The following CDC27 variants were observed in gnomAD, a reference collection of about 807,000 sequenced individuals.
The protein encoded by CDC27 is cell division cycle protein 27 homolog.
Under a neutral mutation model 109.7 loss-of-function variants are expected in CDC27, and 27 were observed. That is an observed-to-expected ratio of 0.25 (90% CI 0.18 to 0.34). The LOEUF is 0.34. Ranked by LOEUF, CDC27 falls within the 10% of genes least tolerant of loss-of-function variation. The pLI is 1.00. For synonymous variants in CDC27, 266 were observed against 333.9 expected, an observed-to-expected ratio of 0.80 and a Z score of 2.22; for missense variants, 579 against 960.2, an observed-to-expected ratio of 0.60 and a Z score of 5.25.
intron 2 of CDC27, among the ~76,000 whole-genome samples, chr17:47,177,212 A>G (rs1324902135): frequency 5.3e-5 from 8 of 152,156 alleles, no homozygotes; most frequent in Non-Finnish European, 7.4e-5. Flanking sequence ...CTTGAGCCCA[A>G]GTGTTTGAGG....
intron 14 of CDC27, among the ~76,000 whole-genome samples, chr17:47,134,115 T>C (rs1315016963): frequency 1.3e-5 from 2 of 151,622 alleles, no homozygotes; most frequent in Admixed American, 6.6e-5. Context: ...ACCAAGCTGG[T>C]TTCAAACTCT....
chr17:47,171,119 A>T (rs1000286305), intron 3 of CDC27: 16 of 152,242 alleles, frequency 1.1e-4, no homozygotes, highest in African/African-American at 3.9e-4. Flanking sequence ...AAAAAGAAAA[A>T]GGAACTGGCA....
chr17:47,137,371 T>A lies in CDC27; in HGVS notation c.1705-11A>T. 2 of 1,525,920 alleles carry A rather than the reference T, an allele frequency of 1.3e-6. No homozygotes were observed. The allele number at this position is 1,525,920 out of a possible 1,614,324, so 94.5% of individuals were successfully genotyped here. ...TGCAGCACACCAGGCCTTAAAAAAATGGGAACAAAAACCAAACAGAATTAA... is the reference window on the plus strand; with the variant it reads ...TGCAGCACACCAGGCCTTAAAAAAAAGGGAACAAAAACCAAACAGAATTAA... On this transcript the variant is annotated splice_polypyrimidine_tract_variant and intron_variant, in intron 13 of 18. Coordinates refer to ENST00000066544, the MANE Select transcript of CDC27 (RefSeq NM_001256.6).
chr17:47,145,622 G>T (rs1039945914), intron 9 of CDC27, among the ~76,000 whole-genome samples: 3 of 152,082 alleles, frequency 2.0e-5, no homozygotes, highest in Admixed American at 2.0e-4. Flanking sequence ...CAACCATGTG[G>T]CCGGGCATGG....
intron 9 of CDC27, among the ~76,000 whole-genome samples, chr17:47,147,270 G>A (rs1049711601): frequency 1.2e-3 from 188 of 151,622 alleles, no homozygotes; most frequent in African/African-American, 4.2e-3. Context: ...ATGGTGGCGC[G>A]CGCCTGTAGT....
intron 1 of CDC27, 30 bp from the exon 2 acceptor site, chr17:47,181,667 T>C: frequency 8.0e-7 from 1 of 1,256,538 alleles, no homozygotes; most frequent in African/African-American, 1.5e-5. Context: ...AACATAAATA[T>C]ACATACATAC....
At chr17:47,159,144 G>T (rs866905954) in intron 4 of CDC27, 1 of 340,192 alleles carries the variant, frequency 2.9e-6, no homozygotes, top group Non-Finnish European at 5.3e-6. Context: ...ATTTGTTGTT[G>T]TTTTTTTTCC....
At chr17:47,132,744 A>ATTG (rs2062386131) in intron 14 of CDC27, among the ~76,000 whole-genome samples, 3 of 47,900 alleles carry the variant, frequency 6.3e-5, no homozygotes, top group African/African-American at 2.1e-4. Context: ...AAAGCAGTTT[A>ATTG]TTATTATTAT....
intron 3 of CDC27, chr17:47,170,256 T>C (rs1256190937): frequency 3.0e-6 from 1 of 328,084 alleles, no homozygotes; most frequent in Admixed American, 5.0e-5. Flanking sequence ...TAGAGTGCAG[T>C]AGTACAATCA....
At chr17:47,142,802 C>T (rs986317804) in intron 10 of CDC27, among the ~76,000 whole-genome samples, 1 of 152,216 alleles carries the variant, frequency 6.6e-6, no homozygotes, top group African/African-American at 2.4e-5. Flanking sequence ...CTTCAGCCTC[C>T]CGCGTAACTG....
chr17:47,139,412 G>A (rs533375903), intron 12 of CDC27, among the ~76,000 whole-genome samples: 12 of 151,834 alleles, frequency 7.9e-5, no homozygotes, highest in African/African-American at 2.7e-4. Flanking sequence ...GACTACAGGC[G>A]CCTGCCACCA....
chr17:47,161,549 G>C (rs1219762266), intron 4 of CDC27, among the ~76,000 whole-genome samples: 1 of 152,036 alleles, frequency 6.6e-6, no homozygotes, highest in Admixed American at 6.6e-5. Flanking sequence ...TCAGGAGTTC[G>C]AGACCAGCCT....
chr17:47,141,504 C>T (rs2062791524), intron 12 of CDC27, among the ~76,000 whole-genome samples: 2 of 152,068 alleles, frequency 1.3e-5, no homozygotes. Flanking sequence ...GTCAAAAATT[C>T]ACCCCAGTAA....
Position 47,122,494 on chromosome 17 carries a change from T to C in CDC27, c.2342A>G (p.Lys781Arg), listed in dbSNP as rs1244405583. The C allele has an allele frequency of 6.2e-7, 1 of 1,610,796 alleles. No individual in the cohort carries two copies. Among genetic ancestry groups the C allele is most frequent in the South Asian group, 1.1e-5 (1 of 90,536 alleles). Residue 781 changes from lysine (K) to arginine (R), a missense_variant, in exon 18 of 19, where the codon AAG becomes AGG. Lys to Arg is a conservative substitution (Grantham distance 26, BLOSUM62 2). Around this residue, in one of 9 missense-constraint regions of CDC27, gnomAD observed 227 missense variants for 363.6 expected, o/e 0.62. Coordinates refer to ENST00000066544, the MANE Select transcript of CDC27 (RefSeq NM_001256.6). ...CTCCTCATCATCTGGAAGATAACGC[T>C]TATCAATTGCCTCTTTAATCTGGTT... is the stretch of plus-strand genomic sequence containing the variant. ...ANNQIKEAID[K>R]RYLPDDEEPI...
rs752977065 is a variant in CDC27, at chr17:47,137,328, C to A, written c.1737G>T (p.Leu579=). The change falls in exon 14 of 19, where the codon CTG becomes CTT. Residue 579 remains leucine, a synonymous_variant. Transcript: ENST00000066544. ...AWCAAGNCFS[L]QREHDIAIKF... ...TAATTGCAATATCATGTTCCCGTTG[C>A]AGACTGAAACAGTTCCCTGCAGCAC... 1.2e-6 allele frequency: 2 copies of A among 1,605,398 alleles called. No individual in the cohort carries two copies. Among genetic ancestry groups the A allele is most frequent in the Non-Finnish European group, 1.7e-6 (2 of 1,176,674 alleles).
intron 9 of CDC27, among the ~76,000 whole-genome samples, chr17:47,145,197 C>T (rs907764322): frequency 6.6e-6 from 1 of 152,050 alleles, no homozygotes; most frequent in African/African-American, 2.4e-5. Flanking sequence ...AAAACATTTC[C>T]GAGGACAGTT....
chr17:47,183,121 A>C (rs1026692797), intron 1 of CDC27, among the ~76,000 whole-genome samples: 1 of 152,198 alleles, frequency 6.6e-6, no homozygotes, highest in Non-Finnish European at 1.5e-5. Flanking sequence ...GGTAATGTCA[A>C]ATCATTTTTA....
intron 16 of CDC27, among the ~76,000 whole-genome samples, chr17:47,125,208 C>T (rs1405048887): frequency 6.9e-6 from 1 of 143,916 alleles, no homozygotes; most frequent in Non-Finnish European, 1.5e-5. Flanking sequence ...TTGTGAGCCA[C>T]TGCACCCGGC....
Position 47,157,114 on chromosome 17 carries a change from C to A in CDC27, c.641G>T (p.Arg214Ile), listed in dbSNP as rs755464253. The A allele has an allele frequency of 2.4e-5, 38 of 1,567,070 alleles. No individual in the cohort carries two copies. The East Asian group carries it at 6.5e-4, about 27-fold the overall frequency. ...ETPQDTIELNRLNLESSNSKY... is the reference protein window; with the variant it reads ...ETPQDTIELNILNLESSNSKY... ...TGAATTGGAAGATTCTAAATTCAAT[C>A]TGTTTAATTCCTGAAACAGAAAATT... The change falls in exon 7 of 19, where the codon AGA (arginine) becomes ATA (isoleucine). Residue 214 changes from arginine (R) to isoleucine (I), a missense_variant. This residue lies in a region of CDC27 where 57 missense variants were observed against 59.0 expected (regional missense o/e 0.97). Coordinates refer to ENST00000066544, the MANE Select transcript of CDC27 (RefSeq NM_001256.6).
Sources: gnomAD v4.1 joint callset for allele counts (sites outside exome capture counted in the v4.1 genomes callset) on GRCh38, gnomAD v4.1.1 for gene constraint, gnomAD v4.1.1 regional missense constraint, MANE v1.5 for transcripts, NCBI Gene and HGNC (gene_info 2026-07-23, HGNC 2026-07-21) for gene names.